KIAA1671: variants seen among roughly 807,000 people sequenced by gnomAD.
KIAA1671 encodes uncharacterized protein KIAA1671.
Under a neutral mutation model 131.2 loss-of-function variants are expected in KIAA1671, and 52 were observed. That is an observed-to-expected ratio of 0.40 (90% CI 0.32 to 0.50). KIAA1671 has a LOEUF of 0.50. Ranked by LOEUF, KIAA1671 falls within the 20% of genes least tolerant of loss-of-function variation. The pLI, the probability that KIAA1671 is intolerant of heterozygous loss-of-function variation, is 0.73. For missense variants in KIAA1671, 2,360 were observed against 2,364.2 expected, an observed-to-expected ratio of 1.00 and a Z score of 0.04; for synonymous variants, 1,003 against 961.6, an observed-to-expected ratio of 1.04 and a Z score of -0.80.
At chr22:25,153,029 GT>G (rs1933101743) in intron 6 of KIAA1671, among the ~76,000 whole-genome samples, 1 of 152,038 alleles carries the variant, frequency 6.6e-6, no homozygotes, top group African/African-American at 2.4e-5. Context: ...CATGAACCTT[GT>G]TTTCATTTAT....
intron 6 of KIAA1671, among the ~76,000 whole-genome samples, chr22:25,095,726 A>T (rs1930361092): frequency 6.6e-6 from 1 of 152,198 alleles, no homozygotes; most frequent in South Asian, 2.1e-4. Context: ...ATGACTGCTA[A>T]GCCCCCCTAG....
chr22:25,089,537 G>T (rs546946865), intron 6 of KIAA1671, among the ~76,000 whole-genome samples: 1 of 152,192 alleles, frequency 6.6e-6, no homozygotes, highest in Admixed American at 6.5e-5. Flanking sequence ...GCCTCTCAAA[G>T]TGCTGGGATT....
intron 4 of KIAA1671, among the ~76,000 whole-genome samples, 172 bp from the exon 5 acceptor site, chr22:25,038,588 A>G (rs1926740218): frequency 6.6e-6 from 1 of 152,192 alleles, no homozygotes; most frequent in African/African-American, 2.4e-5. Context: ...ACAGTATCTG[A>G]GTGTCCATTT....
chr22:24,974,180 G>A (rs778864004), intron 1 of KIAA1671, among the ~76,000 whole-genome samples: 3 of 152,290 alleles, frequency 2.0e-5, no homozygotes, highest in South Asian at 2.1e-4. Flanking sequence ...TCTCAGCTGC[G>A]TGGGAGATAG....
chr22:25,160,007 A>G (rs1270143872), intron 6 of KIAA1671, among the ~76,000 whole-genome samples: 1 of 152,248 alleles, frequency 6.6e-6, no homozygotes, highest in African/African-American at 2.4e-5. Flanking sequence ...ATCTGAATAC[A>G]TGCTCATTTA....
chr22:25,107,896 T>C (rs982907638), intron 6 of KIAA1671, among the ~76,000 whole-genome samples: 1 of 152,046 alleles, frequency 6.6e-6, no homozygotes, highest in East Asian at 1.9e-4. Context: ...TAATCCCAGA[T>C]ACTCGGGAGG....
intron 9 of KIAA1671, among the ~76,000 whole-genome samples, chr22:25,180,499 C>T (rs1047599734): frequency 1.3e-5 from 2 of 151,940 alleles, no homozygotes; most frequent in African/African-American, 4.8e-5. Flanking sequence ...GATCGTGCCA[C>T]TGCACTCCAG....
At chr22:25,008,704 G>A (rs975101489) in intron 1 of KIAA1671, among the ~76,000 whole-genome samples, 2 of 152,208 alleles carry the variant, frequency 1.3e-5, no homozygotes, top group African/African-American at 4.8e-5. Context: ...GTGCTGTCTG[G>A]CACAAAATCA....
In KIAA1671 at chr22:25,039,776, C is replaced by T. The variant is rs1004397862; in HGVS notation, c.2646C>T (p.Cys882=). 29 of 1,500,704 alleles carry T rather than the reference C, an allele frequency of 1.9e-5. No homozygotes were observed. The highest frequency in any genetic ancestry group is 4.2e-5 in the African/African-American group (3 of 71,776). The allele number at this position is 1,500,704 out of a possible 1,614,324, so 93.0% of individuals were successfully genotyped here. Residue 882 remains cysteine (C), a synonymous_variant, in exon 5 of 13, where the codon TGC becomes TGT. Transcript: ENST00000358431. ...GAGCAAGGGGCCCACCCCAGGGATG[C>T]CCCCTCGATCCTCTTTCCAGGGCTA... ...GVGARGPPQG[C]PLDPLSRATN...
intron 6 of KIAA1671, chr22:25,054,073 G>T (rs1250137996): frequency 6.6e-6 from 1 of 150,590 alleles, no homozygotes; most frequent in Non-Finnish European, 1.5e-5. Flanking sequence ...GACTGGCGTG[G>T]TGTTGCGTGC....
At chr22:25,058,432 CT>C (rs1927971883) in intron 6 of KIAA1671, 1 of 152,226 alleles carries the variant, frequency 6.6e-6, no homozygotes, top group East Asian at 1.9e-4. Flanking sequence ...TAGTATCAGA[CT>C]TTTCTTTGTT....
At chr22:25,121,936 C>T (rs775394067) in intron 6 of KIAA1671, among the ~76,000 whole-genome samples, 5 of 152,164 alleles carry the variant, frequency 3.3e-5, no homozygotes, top group Non-Finnish European at 7.3e-5. Flanking sequence ...CCAGGACAAG[C>T]CAGCTCCAGT....
chr22:25,136,342 C>G (rs1932673355), intron 6 of KIAA1671, among the ~76,000 whole-genome samples: 1 of 152,174 alleles, frequency 6.6e-6, no homozygotes, highest in African/African-American at 2.4e-5. Context: ...GGGGCTTCAC[C>G]CAGATCACAC....
chr22:24,970,690 C>T (rs1294137688), intron 1 of KIAA1671, among the ~76,000 whole-genome samples: 4 of 146,024 alleles, frequency 2.7e-5, no homozygotes, highest in Non-Finnish European at 5.9e-5. Flanking sequence ...TGTCTTGGGC[C>T]ACACATAAAG....
At chr22:25,154,733 C>G (rs1015431271) in intron 6 of KIAA1671, among the ~76,000 whole-genome samples, 1 of 152,198 alleles carries the variant, frequency 6.6e-6, no homozygotes, top group Non-Finnish European at 1.5e-5. Flanking sequence ...GCCTGAGGTT[C>G]CAGGCACCCC....
At chr22:25,027,404 A>T (rs1926006644) in intron 2 of KIAA1671, among the ~76,000 whole-genome samples, 1 of 152,198 alleles carries the variant, frequency 6.6e-6, no homozygotes, top group Admixed American at 6.5e-5. Flanking sequence ...TGCTTAGCAC[A>T]CACTTGTGAT....
rs911959620 is a variant in KIAA1671 at position 25,040,118 on chromosome 22, G to A, written c.2988G>A (p.Arg996=). ...ALRKPQLSHY[R]VETQEVNPGA... ...GAAAACCTCAACTATCCCACTACAG[G>A]GTGGAGACCCAGGAGGTGAACCCAG... Residue 996 remains arginine, a synonymous_variant, in exon 5 of 13, where the codon AGG becomes AGA. Coordinates refer to ENST00000358431, the MANE Select transcript of KIAA1671 (RefSeq NM_001145206.2). The A allele has an allele frequency of 3.2e-5, 49 of 1,551,570 alleles. No homozygotes were observed. The highest frequency in any genetic ancestry group is 1.7e-4 in the Middle Eastern group (1 of 6,014).
At chr22:25,071,068 A>G (rs1188434673) in intron 6 of KIAA1671, among the ~76,000 whole-genome samples, 3 of 152,176 alleles carry the variant, frequency 2.0e-5, no homozygotes, top group Admixed American at 6.5e-5. Flanking sequence ...TGGGCAAGTT[A>G]CTTCTCCTCT....
intron 6 of KIAA1671, among the ~76,000 whole-genome samples, chr22:25,117,584 A>G (rs1004931087): frequency 3.9e-5 from 2 of 51,268 alleles, no homozygotes; most frequent in African/African-American, 9.0e-5. Flanking sequence ...ATCTCCCCCA[A>G]CCACACACAC....
Sources: allele counts gnomAD v4.1 joint callset (sites outside exome capture counted in the v4.1 genomes callset), GRCh38; gene constraint gnomAD v4.1.1; transcripts MANE v1.5; gene names NCBI Gene and HGNC (gene_info 2026-07-23, HGNC 2026-07-21).